The following FOXP1 variants were observed in gnomAD, a reference collection of about 807,000 sequenced individuals.
FOXP1 encodes forkhead box protein P1.
FOXP1 carries 15 observed loss-of-function variants against 98.2 expected under a neutral mutation model. That is an observed-to-expected ratio of 0.15 (90% CI 0.10 to 0.24). The LOEUF is 0.24. Ranked by LOEUF, FOXP1 falls within the 10% of genes least tolerant of loss-of-function variation. The pLI is 1.00. For missense variants in FOXP1, 633 were observed against 848.5 expected (o/e 0.75, Z 3.15); for synonymous variants, 371 against 314.5 (o/e 1.18, Z -1.90).
intron 20 of FOXP1, among the ~76,000 whole-genome samples, chr3:70,964,020 T>C (rs2034189314): frequency 6.6e-6 from 1 of 152,192 alleles, no homozygotes; most frequent in Admixed American, 6.5e-5. Flanking sequence ...GTAATGCATA[T>C]TGGACAAGAA....
intron 7 of FOXP1, among the ~76,000 whole-genome samples, chr3:71,056,686 G>C (rs2050690420): frequency 6.6e-6 from 1 of 152,140 alleles, no homozygotes; most frequent in African/African-American, 2.4e-5. Flanking sequence ...GTGGGCTCCA[G>C]CTTCATTTAC....
chr3:71,544,385 A>G (rs948730598), intron 2 of FOXP1, among the ~76,000 whole-genome samples: 3 of 151,918 alleles, frequency 2.0e-5, no homozygotes, highest in Non-Finnish European at 4.4e-5. Flanking sequence ...ATGGAAAAAA[A>G]AAAAAAGGAA....
At chr3:71,481,975 A>T (rs2090311141) in intron 3 of FOXP1, among the ~76,000 whole-genome samples, 1 of 152,116 alleles carries the variant, frequency 6.6e-6, no homozygotes, top group South Asian at 2.1e-4. Flanking sequence ...TGTTTACGAC[A>T]CAAAAGATTT....
intron 4 of FOXP1, among the ~76,000 whole-genome samples, chr3:71,354,056 C>A (rs954278025): frequency 6.6e-6 from 1 of 150,824 alleles, no homozygotes; most frequent in Non-Finnish European, 1.5e-5. Context: ...CCTGTAATCC[C>A]AGCACTTTGG....
In FOXP1 at chr3:70,956,966, A is replaced by G. The variant is rs527527246; in HGVS notation, c.*2281T>C. 4.6e-6 allele frequency: 1 copy of G among 218,396 alleles called. No homozygotes were observed. Among genetic ancestry groups the G allele is most frequent in the South Asian group, 1.8e-4 (1 of 5,412 alleles). 13.5% of individuals were successfully genotyped at this position (218,396 alleles called of 1,614,324 possible). ...AAAATAAAAACAAACTGAAGGATATATGCCAAGATAAACCAAAATTAATAC... is the reference window on the plus strand; with the variant it reads ...AAAATAAAAACAAACTGAAGGATATGTGCCAAGATAAACCAAAATTAATAC... On this transcript the variant is annotated 3_prime_UTR_variant, in exon 21 of 21. Transcript: ENST00000649528.
intron 6 of FOXP1, among the ~76,000 whole-genome samples, chr3:71,174,299 G>A (rs1004039909): frequency 6.6e-6 from 1 of 152,156 alleles, no homozygotes; most frequent in African/African-American, 2.4e-5. Context: ...TAAGCTGGGT[G>A]CAGCGGCATG....
intron 4 of FOXP1, among the ~76,000 whole-genome samples, chr3:71,306,372 C>T (rs1000548235): frequency 6.6e-6 from 1 of 152,036 alleles, no homozygotes; most frequent in African/African-American, 2.4e-5. Context: ...CCCTGGAGTT[C>T]TACTATGGGT....
At chr3:71,471,238 A>G (rs2089313152) in intron 3 of FOXP1, among the ~76,000 whole-genome samples, 1 of 151,346 alleles carries the variant, frequency 6.6e-6, no homozygotes, top group Admixed American at 6.6e-5. Context: ...ACAAATACAC[A>G]TATTTAATTA....
chr3:71,071,045 G>C (rs762352224), intron 7 of FOXP1, among the ~76,000 whole-genome samples: 1 of 152,090 alleles, frequency 6.6e-6, no homozygotes, highest in Admixed American at 6.6e-5. Context: ...AACATTTTCC[G>C]GGGCTCTGCG....
intron 5 of FOXP1, among the ~76,000 whole-genome samples, chr3:71,201,804 G>GTA (rs971411384): frequency 3.9e-5 from 6 of 151,952 alleles, no homozygotes; most frequent in South Asian, 2.1e-4. Flanking sequence ...TTAAAAATAT[G>GTA]TATATATATA....
intron 6 of FOXP1, among the ~76,000 whole-genome samples, chr3:71,139,830 T>C (rs1575979157): frequency 6.6e-6 from 1 of 152,278 alleles, no homozygotes; most frequent in Non-Finnish European, 1.5e-5. Context: ...GGTGAACAGG[T>C]AGAAGTTGCT....
intron 3 of FOXP1, among the ~76,000 whole-genome samples, chr3:71,389,035 C>CT (rs974621258): frequency 1.3e-5 from 2 of 151,988 alleles, no homozygotes; most frequent in Non-Finnish European, 1.5e-5. Context: ...TTCTCAGAAT[C>CT]TTTATCTCTA....
At chr3:70,961,111 C>G (rs1305464787) in intron 20 of FOXP1, among the ~76,000 whole-genome samples, 9 of 152,006 alleles carry the variant, frequency 5.9e-5, no homozygotes, top group African/African-American at 2.2e-4. Flanking sequence ...GGATTACAGG[C>G]GTGAGCCACT....
intron 3 of FOXP1, among the ~76,000 whole-genome samples, chr3:71,430,874 G>A (rs2084648616): frequency 6.6e-6 from 1 of 152,174 alleles, no homozygotes; most frequent in Admixed American, 6.5e-5. Flanking sequence ...GGCCACAGGG[G>A]AAGGCCTTAC....
At chr3:71,246,874 T>C (rs1251444918) in intron 5 of FOXP1, among the ~76,000 whole-genome samples, 2 of 152,236 alleles carry the variant, frequency 1.3e-5, no homozygotes, top group African/African-American at 2.4e-5. Flanking sequence ...TAGCTATTTA[T>C]GTATACGCTC....
intron 3 of FOXP1, among the ~76,000 whole-genome samples, chr3:71,484,246 A>G (rs750507226): frequency 1.3e-5 from 2 of 152,206 alleles, no homozygotes; most frequent in Non-Finnish European, 2.9e-5. Flanking sequence ...TCAGTAAATA[A>G]TACACGTCCC....
intron 5 of FOXP1, among the ~76,000 whole-genome samples, chr3:71,284,058 T>G (rs2071846067): frequency 6.6e-6 from 1 of 152,270 alleles, no homozygotes; most frequent in African/African-American, 2.4e-5. Flanking sequence ...TAAATAAAAA[T>G]TTTTAAAAAT....
At chr3:71,188,867 C>T (rs542244165) in intron 6 of FOXP1, among the ~76,000 whole-genome samples, 1 of 152,226 alleles carries the variant, frequency 6.6e-6, no homozygotes, top group African/African-American at 2.4e-5. Context: ...AAGGAGCTGT[C>T]TAACAATAGG....
intron 2 of FOXP1, among the ~76,000 whole-genome samples, chr3:71,509,792 G>C (rs982863297): frequency 1.3e-5 from 2 of 152,190 alleles, no homozygotes; most frequent in Admixed American, 1.3e-4. Flanking sequence ...GAGGCAAGAA[G>C]ATCACTTGAG....
Sources: gnomAD v4.1 joint callset for allele counts (sites outside exome capture counted in the v4.1 genomes callset) on GRCh38, gnomAD v4.1.1 for gene constraint, MANE v1.5 for transcripts, NCBI Gene and HGNC (gene_info 2026-07-23, HGNC 2026-07-21) for gene names.